Variants in DLG3 observed in about 807,000 individuals in gnomAD.
DLG3 encodes the protein disks large homolog 3.
In DLG3, 1 loss-of-function variant was observed where a neutral mutation model predicts 64.1. The ratio of observed to expected loss-of-function variants is 0.02; its 90% CI spans 0.01 to 0.07. The LOEUF (loss-of-function observed/expected upper bound fraction) is 0.07. Among genes scored for constraint, DLG3 ranks in the 10% least tolerant of loss-of-function variants. The pLI, the probability that DLG3 is intolerant of heterozygous loss-of-function variation, is 1.00. For synonymous variants in DLG3, 245 were observed against 259.8 expected (o/e 0.94, Z 0.55); for missense variants, 429 against 669.5 (o/e 0.64, Z 3.96).
Position 70,495,371 on chromosome X carries a change from G to A in DLG3, c.1774-37G>A, listed in dbSNP as rs370872660. 1.5e-5 allele frequency: 18 copies of A among 1,178,373 alleles called. No individual in the cohort carries two copies. The highest frequency in any genetic ancestry group is 1.8e-5 in the Non-Finnish European group (16 of 870,816). On this transcript the variant is annotated intron_variant, in intron 12 of 18. Transcript: ENST00000374360. ...CTTCCCCTTCCCCCCTCTTCTCCCC[G>A]TCGTCCTCTCTCCGCCCTTGCTGTC...
At chrX:70,455,292 C>G (rs1055866262) in intron 9 of DLG3, 1 of 752,663 alleles carries the variant, frequency 1.3e-6, no homozygotes, top group South Asian at 6.8e-5. Context: ...GGGTCAGGCC[C>G]CCTCGCAGTC....
At chrX:70,481,033 C>T (rs1255975125) in intron 10 of DLG3, among the ~76,000 whole-genome samples, 2 of 112,081 alleles carry the variant, frequency 1.8e-5, no homozygotes, top group African/African-American at 3.2e-5. Flanking sequence ...TTATCTGTAT[C>T]CTCTGAGGAA....
In DLG3 at chrX:70,452,748, G is replaced by T; in HGVS notation, c.1145+722G>T. Reference sequence around the variant, plus strand: ...GCTCCGCTCCCTGCGGCCCGGAGGGGATGCCAGGTAGGAGTGGAGGGCTAG... The same window carrying T: ...GCTCCGCTCCCTGCGGCCCGGAGGGTATGCCAGGTAGGAGTGGAGGGCTAG... On this transcript the variant is annotated intron_variant, in intron 7 of 18. Coordinates refer to ENST00000374360, the MANE Select transcript of DLG3 (RefSeq NM_021120.4). 1 of 1,188,220 alleles carries T rather than the reference G, an allele frequency of 8.4e-7. No homozygotes were observed. Among genetic ancestry groups the T allele is most frequent in the Non-Finnish European group, 1.1e-6 (1 of 884,249 alleles).
chrX:70,494,577 C>T lies in DLG3; in HGVS notation c.1774-831C>T, dbSNP rs1022011779. ...GAGTAGTTCAATGAGAAGCCATAGA[C>T]GGGGTGGCTCTGCTCATGAGCAGTT... On this transcript the variant is annotated intron_variant, in intron 12 of 18. Transcript: ENST00000374360. Among the ~76,000 whole-genome samples the T allele has an allele frequency of 5.4e-5, 6 of 112,108 alleles. No homozygotes were observed. In the East Asian group the frequency reaches 8.4e-4, roughly 16 times the overall value.
chrX:70,461,656 C>T (rs369192805), intron 9 of DLG3, among the ~76,000 whole-genome samples: 9 of 109,379 alleles, frequency 8.2e-5, no homozygotes, highest in Admixed American at 4.9e-4. Context: ...CTGCAACCTC[C>T]GCCTCCCAGG....
At chrX:70,450,403 C>A in intron 5 of DLG3, 98 bp downstream of exon 5, 1 of 1,034,025 alleles carries the variant, frequency 9.7e-7, no homozygotes, top group South Asian at 2.2e-5. Flanking sequence ...GATGAGGCAT[C>A]ATGGGGGAAT....
chrX:70,463,895 G>T (rs1602912055), intron 9 of DLG3, among the ~76,000 whole-genome samples: 1 of 112,135 alleles, frequency 8.9e-6, no homozygotes, highest in Admixed American at 9.4e-5. Context: ...GTTTAAATTA[G>T]GGATGGGGTC....
chrX:70,464,050 G>C (rs1480934082), intron 9 of DLG3, among the ~76,000 whole-genome samples: 1 of 110,155 alleles, frequency 9.1e-6, no homozygotes, highest in Non-Finnish European at 1.9e-5. Flanking sequence ...TTTTTGTATA[G>C]AGACAAGATC....
rs1009777356 is a variant in DLG3, at chrX:70,502,425, T to A, written c.*156T>A. Reference sequence around the variant, plus strand: ...AAAATTAAGTTTTCTAGTCCTGTTCTTTTTTTTTTTTTAAGTTTTTGTTTG... The same window carrying A: ...AAAATTAAGTTTTCTAGTCCTGTTCATTTTTTTTTTTTAAGTTTTTGTTTG... On this transcript the variant is annotated 3_prime_UTR_variant, in exon 19 of 19. Coordinates refer to ENST00000374360, the MANE Select transcript of DLG3 (RefSeq NM_021120.4). 1 of 158,769 alleles carries A rather than the reference T, an allele frequency of 6.3e-6. No individual in the cohort carries two copies. The highest frequency in any genetic ancestry group is 1.2e-5 in the Non-Finnish European group (1 of 83,049). The allele number at this position is 158,769 out of a possible 1,213,427, so 13.1% of individuals were successfully genotyped here. A position where few individuals can be genotyped will look rare whatever the true frequency, so the allele number is the denominator to read the frequency against.
chrX:70,457,533 T>G (rs2086729741), intron 9 of DLG3, among the ~76,000 whole-genome samples: 1 of 111,677 alleles, frequency 9.0e-6, no homozygotes, highest in Non-Finnish European at 1.9e-5. Flanking sequence ...TCAGTGACTT[T>G]AGGTATAGTT....
At chrX:70,477,100 G>A (rs2087066925) in intron 9 of DLG3, among the ~76,000 whole-genome samples, 1 of 112,597 alleles carries the variant, frequency 8.9e-6, no homozygotes. Flanking sequence ...TGGTGGTTTC[G>A]TGGTTGTTTT....
At chrX:70,466,703 G>A (rs759048190) in intron 9 of DLG3, among the ~76,000 whole-genome samples, 1 of 110,858 alleles carries the variant, frequency 9.0e-6, no homozygotes, top group East Asian at 2.9e-4. Context: ...GCCTCCCAAA[G>A]TGCTGGGATT....
chrX:70,464,447 G>A (rs1466095158), intron 9 of DLG3, among the ~76,000 whole-genome samples: 1 of 109,624 alleles, frequency 9.1e-6, no homozygotes, highest in Non-Finnish European at 1.9e-5. Context: ...TTTTTGTAGA[G>A]ACTGGGTTTT....
At chrX:70,499,822 G>T in intron 15 of DLG3, 55 bp from the exon 16 acceptor site, 1 of 1,145,111 alleles carries the variant, frequency 8.7e-7, no homozygotes, top group South Asian at 1.9e-5. Context: ...AGTATTTTTT[G>T]GTTTGGGGCG....
chrX:70,451,721 G>A, intron 6 of DLG3, 146 bp from the exon 7 acceptor site: 2 of 668,294 alleles, frequency 3.0e-6, no homozygotes, highest in South Asian at 4.8e-5. Context: ...GTGGCGGGTG[G>A]ATGGAGTGGG....
chrX:70,452,960 T>C (rs945876438), intron 7 of DLG3: 15 of 370,119 alleles, frequency 4.1e-5, no homozygotes, highest in African/African-American at 3.9e-4. Context: ...GAGGGCTTCC[T>C]TAGATGTGGT....
At chrX:70,479,052 GC>G (rs1355362566) in intron 9 of DLG3, 97 bp from the exon 10 acceptor site, 1 of 781,675 alleles carries the variant, frequency 1.3e-6, no homozygotes, top group Non-Finnish European at 2.0e-6. Flanking sequence ...CTGCTTTTAA[GC>G]CAAGGGGCCT....
At chrX:70,486,175 G>T (rs1157440449) in intron 10 of DLG3, among the ~76,000 whole-genome samples, 2 of 111,263 alleles carry the variant, frequency 1.8e-5, no homozygotes, top group Non-Finnish European at 3.8e-5. Flanking sequence ...TCTTTCCCTT[G>T]CTCTTAAAGA....
At chrX:70,489,397 G>T (rs1466704535) in intron 10 of DLG3, among the ~76,000 whole-genome samples, 3 of 111,488 alleles carry the variant, frequency 2.7e-5, no homozygotes, top group African/African-American at 9.8e-5. Flanking sequence ...CTGCCGCCTG[G>T]GCTCAAGCGA....
Sources: allele counts gnomAD v4.1 joint callset (sites outside exome capture counted in the v4.1 genomes callset), GRCh38; gene constraint gnomAD v4.1.1; transcripts MANE v1.5; gene names NCBI Gene and HGNC (gene_info 2026-07-23, HGNC 2026-07-21).